Variants in MGMT observed in about 807,000 individuals in gnomAD.
MGMT encodes the protein O-6-methylguanine-DNA methyltransferase, also known as methylated-DNA--protein-cysteine methyltransferase.
In MGMT, 14 loss-of-function variants were observed where a neutral mutation model predicts 15.9. The observed-to-expected ratio is 0.88, with a 90% CI of 0.58 to 1.37. MGMT has a LOEUF of 1.37. MGMT is among the 40% of genes most tolerant of loss of function. The pLI, the probability that MGMT is intolerant of heterozygous loss-of-function variation, is 0.00. For missense variants in MGMT, 282 were observed against 268.1 expected, an observed-to-expected ratio of 1.05 and a Z score of -0.36; for synonymous variants, 130 against 118.2, an observed-to-expected ratio of 1.10 and a Z score of -0.65.
At chr10:129,627,299 A>G (rs1847160795) in intron 2 of MGMT, among the ~76,000 whole-genome samples, 1 of 152,186 alleles carries the variant, frequency 6.6e-6, no homozygotes, top group African/African-American at 2.4e-5. Context: ...AGGCTAAACT[A>G]AGCTGGGATT....
At chr10:129,571,693 T>C (rs1167403906) in intron 2 of MGMT, among the ~76,000 whole-genome samples, 1 of 152,220 alleles carries the variant, frequency 6.6e-6, no homozygotes, top group Non-Finnish European at 1.5e-5. Flanking sequence ...CAATTTAGCT[T>C]GTGAGGTCCA....
At chr10:129,513,691 C>T (rs1314412046) in intron 1 of MGMT, among the ~76,000 whole-genome samples, 2 of 152,296 alleles carry the variant, frequency 1.3e-5, no homozygotes, top group South Asian at 2.1e-4. Context: ...ACTAGAATGT[C>T]TTGACTTTCT....
chr10:129,478,002 G>A (rs1379952409), intron 1 of MGMT, among the ~76,000 whole-genome samples: 1 of 152,180 alleles, frequency 6.6e-6, no homozygotes, highest in Non-Finnish European at 1.5e-5. Flanking sequence ...TTCATGACCA[G>A]AAACATCAGT....
intron 1 of MGMT, among the ~76,000 whole-genome samples, chr10:129,505,736 A>G (rs1845618373): frequency 6.6e-6 from 1 of 152,228 alleles, no homozygotes; most frequent in Non-Finnish European, 1.5e-5. Flanking sequence ...AAGGAAATTA[A>G]AGTTCAAGAA....
At chr10:129,650,580 A>G (rs758733581) in intron 2 of MGMT, among the ~76,000 whole-genome samples, 2 of 152,186 alleles carry the variant, frequency 1.3e-5, no homozygotes, top group Non-Finnish European at 2.9e-5. Context: ...GAAGAGATCC[A>G]TGGGTTGGCT....
chr10:129,570,785 A>T (rs1387001863), intron 2 of MGMT, among the ~76,000 whole-genome samples: 8 of 152,204 alleles, frequency 5.3e-5, no homozygotes, highest in Non-Finnish European at 1.2e-4. Context: ...GTGTAAATTT[A>T]AATGTATGAG....
intron 2 of MGMT, among the ~76,000 whole-genome samples, chr10:129,642,126 G>A (rs1847334442): frequency 2.6e-5 from 4 of 152,142 alleles, no homozygotes; most frequent in Admixed American, 2.6e-4. Context: ...CCTCCGCTCA[G>A]TGGGCATTTC....
At chr10:129,694,364 C>T (rs1226473543) in intron 2 of MGMT, 1 of 152,296 alleles carries the variant, frequency 6.6e-6, no homozygotes, top group Non-Finnish European at 1.5e-5. Flanking sequence ...GACACCACCT[C>T]CTGCCTTCCC....
At chr10:129,488,464 C>A (rs1845435735) in intron 1 of MGMT, among the ~76,000 whole-genome samples, 1 of 152,034 alleles carries the variant, frequency 6.6e-6, no homozygotes, top group African/African-American at 2.4e-5. Flanking sequence ...AATTCTAATC[C>A]TTTGTCTGTT....
At chr10:129,759,870 G>A (rs916177663) in intron 4 of MGMT, among the ~76,000 whole-genome samples, 4 of 152,158 alleles carry the variant, frequency 2.6e-5, no homozygotes, top group South Asian at 2.1e-4. Flanking sequence ...AGCACCACAC[G>A]TGAGCACACG....
intron 3 of MGMT, among the ~76,000 whole-genome samples, chr10:129,711,503 GA>G (rs2133145812): frequency 6.6e-6 from 1 of 152,354 alleles, no homozygotes; most frequent in Admixed American, 6.5e-5. Context: ...GCTCTGGAAG[GA>G]AGCCTCATTG....
intron 1 of MGMT, among the ~76,000 whole-genome samples, chr10:129,488,701 A>C (rs958925096): frequency 6.6e-6 from 1 of 152,178 alleles, no homozygotes; most frequent in African/African-American, 2.4e-5. Flanking sequence ...TTTCCTTTTC[A>C]TATACAAGTC....
In MGMT at chr10:129,746,013, A is replaced by G. The variant is rs566823059; in HGVS notation, c.275-13189A>G. Among the ~76,000 whole-genome samples the G allele has an allele frequency of 3.0e-3, 455 of 152,174 alleles. 4 individuals are homozygous for G. The highest frequency in any genetic ancestry group is 0.01 in the African/African-American group (433 of 41,512). ...GCACTTTGGGAGGCCAAGGGGGCGG[A>G]TCATGAGGTCAGGAGATCGACTGCA... On this transcript the variant is annotated intron_variant, in intron 3 of 4. Coordinates refer to ENST00000651593, the MANE Select transcript of MGMT (RefSeq NM_002412.5).
Position 129,657,729 on chromosome 10 carries a change from C to CACACACACACACACA in MGMT, c.126-50166_126-50165insACACACACACACACA, listed in dbSNP as rs1564750921. Among the ~76,000 whole-genome samples the CACACACACACACACA allele has an allele frequency of 4.9e-3, 604 of 122,326 alleles. 29 individuals are homozygous for CACACACACACACACA. Among genetic ancestry groups the CACACACACACACACA allele is most frequent in the East Asian group, 0.014 (63 of 4,384 alleles). 80.3% of individuals were successfully genotyped at this position (122,326 alleles called of 152,430 possible). Reference sequence around the variant, plus strand: ...CACGCACACACACACACACACACACCCCCTCTCCCCCAAGGACCCACAAGG... The same window carrying CACACACACACACACA: ...CACGCACACACACACACACACACACCACACACACACACACACCCTCTCCCCCAAGGACCCACAAGG... On this transcript the variant is annotated intron_variant, in intron 2 of 4. Coordinates refer to ENST00000651593, the MANE Select transcript of MGMT (RefSeq NM_002412.5).
chr10:129,710,328 A>G (rs957990618), intron 3 of MGMT, among the ~76,000 whole-genome samples: 2 of 152,204 alleles, frequency 1.3e-5, no homozygotes, highest in African/African-American at 2.4e-5. Context: ...TGGTAGTGCG[A>G]CAGCCGCTCA....
chr10:129,672,640 A>T (rs1847737631), intron 2 of MGMT, among the ~76,000 whole-genome samples: 1 of 152,212 alleles, frequency 6.6e-6, no homozygotes, highest in Admixed American at 6.5e-5. Context: ...TTCATAGAAT[A>T]CATTATTTCA....
chr10:129,485,823 C>T (rs1415742931), intron 1 of MGMT, among the ~76,000 whole-genome samples: 2 of 152,308 alleles, frequency 1.3e-5, no homozygotes, highest in Non-Finnish European at 2.9e-5. Context: ...AAAGAGAGGC[C>T]TGCTGGGCTG....
At chr10:129,513,628 A>C (rs1845707659) in intron 1 of MGMT, among the ~76,000 whole-genome samples, 1 of 152,170 alleles carries the variant, frequency 6.6e-6, no homozygotes, top group African/African-American at 2.4e-5. Flanking sequence ...CCACCAAGGC[A>C]GTTCTTGACA....
chr10:129,648,873 C>T (rs758374896), intron 2 of MGMT, among the ~76,000 whole-genome samples: 10 of 152,180 alleles, frequency 6.6e-5, no homozygotes, highest in Non-Finnish European at 1.5e-4. Flanking sequence ...AGACTTTTGA[C>T]CTCTTAAATT....
Sources: allele counts gnomAD v4.1 joint callset (sites outside exome capture counted in the v4.1 genomes callset), GRCh38; gene constraint gnomAD v4.1.1; transcripts MANE v1.5; gene names NCBI Gene and HGNC (gene_info 2026-07-23, HGNC 2026-07-21).